The following CYYR1 variants were observed in gnomAD, a reference collection of about 807,000 sequenced individuals.
The protein encoded by CYYR1 is cysteine and tyrosine rich 1.
A neutral mutation model predicts 15.2 loss-of-function variants in CYYR1; 14 were observed. The ratio of observed to expected loss-of-function variants is 0.92; its 90% CI spans 0.61 to 1.44. The LOEUF (loss-of-function observed/expected upper bound fraction) is 1.44, where lower values mean the gene tolerates loss of function less well. Among genes scored for constraint, CYYR1 ranks in the 40% most tolerant of loss-of-function variants. CYYR1 has a pLI of 0.00. For synonymous variants in CYYR1, 80 were observed against 77.4 expected (o/e 1.03, Z -0.18); for missense variants, 228 against 209.5 (o/e 1.09, Z -0.54).
In CYYR1 at chr21:26,468,542, G is replaced by T; in HGVS notation, c.427C>A (p.Arg143Ser). ...YSPTPQGPAQ[R>S]SPPPPYPGNA... ...CCAGGATAAGGAGGGGGTGGAGAAC[G>T]CTGTGCTGGACCCTGTGGGGTGGGG... Residue 143 changes from arginine to serine, a missense_variant, in exon 4 of 4, where the codon CGT (arginine) becomes AGT (serine). Transcript: ENST00000652641. 1 of 1,611,632 alleles carries T rather than the reference G, an allele frequency of 6.2e-7. No individual in the cohort carries two copies. The highest frequency in any genetic ancestry group is 8.5e-7 in the Non-Finnish European group (1 of 1,177,900).
At chr21:26,547,455 G>A (rs1979051151) in intron 2 of CYYR1, among the ~76,000 whole-genome samples, 1 of 152,050 alleles carries the variant, frequency 6.6e-6, no homozygotes, top group Admixed American at 6.6e-5. Context: ...TTTGTCCCAG[G>A]CCATTGTATG....
intron 2 of CYYR1, among the ~76,000 whole-genome samples, chr21:26,544,631 T>C (rs1978820011): frequency 6.6e-6 from 1 of 152,218 alleles, no homozygotes; most frequent in Non-Finnish European, 1.5e-5. Flanking sequence ...TACATCCTGG[T>C]GACCCTGAAG....
At chr21:26,480,554 G>GT (rs1158826362) in intron 2 of CYYR1, 125 bp from the exon 3 acceptor site, 1 of 917,502 alleles carries the variant, frequency 1.1e-6, no homozygotes, top group Non-Finnish European at 1.5e-6. Context: ...ATGTGTGTGT[G>GT]TTTTTCTTTT....
intron 2 of CYYR1, among the ~76,000 whole-genome samples, chr21:26,541,378 T>C (rs371183044): frequency 3.0e-4 from 45 of 151,920 alleles, no homozygotes; most frequent in African/African-American, 1.1e-3. Context: ...AAAAGACAAA[T>C]TACATATATA....
chr21:26,535,104 G>T (rs1256619332), intron 2 of CYYR1, among the ~76,000 whole-genome samples: 1 of 151,972 alleles, frequency 6.6e-6, no homozygotes, highest in Non-Finnish European at 1.5e-5. Context: ...CTACTGTGGG[G>T]GTGTTTGGGG....
At chr21:26,513,087 A>G (rs1276848899) in intron 2 of CYYR1, among the ~76,000 whole-genome samples, 1 of 151,918 alleles carries the variant, frequency 6.6e-6, no homozygotes, top group Non-Finnish European at 1.5e-5. Flanking sequence ...ATGTCTTTTC[A>G]TTTATCTGTC....
At chr21:26,504,793 T>C (rs1792091361) in intron 2 of CYYR1, among the ~76,000 whole-genome samples, 1 of 152,174 alleles carries the variant, frequency 6.6e-6, no homozygotes, top group African/African-American at 2.4e-5. Flanking sequence ...CATCCTCACC[T>C]CCATCCGATT....
intron 2 of CYYR1, among the ~76,000 whole-genome samples, chr21:26,555,353 TA>T (rs947539627): frequency 6.6e-6 from 1 of 152,052 alleles, no homozygotes; most frequent in Non-Finnish European, 1.5e-5. Flanking sequence ...GATGTTTGTT[TA>T]AAAAAAATGT....
chr21:26,551,716 CA>C, intron 2 of CYYR1: 1 of 182,346 alleles, frequency 5.5e-6, no homozygotes, highest in Non-Finnish European at 1.2e-5. Flanking sequence ...TACGGATTAG[CA>C]AAAAAGTGGT....
intron 2 of CYYR1, among the ~76,000 whole-genome samples, chr21:26,537,060 C>T (rs543301934): frequency 2.0e-5 from 3 of 152,100 alleles, no homozygotes; most frequent in African/African-American, 4.8e-5. Flanking sequence ...ATCTGGTGTG[C>T]GGGTTCAGAG....
chr21:26,473,324 G>A (rs1044779306), intron 3 of CYYR1, among the ~76,000 whole-genome samples: 19 of 151,746 alleles, frequency 1.3e-4, no homozygotes, highest in Admixed American at 3.9e-4. Flanking sequence ...CTCCTGGCAA[G>A]ACCTCCATTA....
intron 2 of CYYR1, among the ~76,000 whole-genome samples, chr21:26,555,380 G>T (rs1489049599): frequency 6.6e-6 from 1 of 152,148 alleles, no homozygotes; most frequent in African/African-American, 2.4e-5. Context: ...CCACACAGTA[G>T]AGTTGGCTAT....
At chr21:26,508,515 T>C (rs1167687538) in intron 2 of CYYR1, among the ~76,000 whole-genome samples, 1 of 152,084 alleles carries the variant, frequency 6.6e-6, no homozygotes, top group Non-Finnish European at 1.5e-5. Flanking sequence ...ATTGTGGTAA[T>C]GGGGGCTTTC....
At chr21:26,517,205 G>T (rs2065743286) in intron 2 of CYYR1, among the ~76,000 whole-genome samples, 1 of 148,270 alleles carries the variant, frequency 6.7e-6, no homozygotes, top group Admixed American at 6.7e-5. Flanking sequence ...TAAAAATAAG[G>T]TACCTATCAA....
At chr21:26,477,974 A>G (rs911294455) in intron 3 of CYYR1, 46 of 1,449,614 alleles carry the variant, frequency 3.2e-5, no homozygotes, top group Non-Finnish European at 3.6e-5. Context: ...CTTAAAGTCA[A>G]TTCCCTAGGG....
chr21:26,515,753 T>C (rs908404114), intron 2 of CYYR1, among the ~76,000 whole-genome samples: 5 of 152,212 alleles, frequency 3.3e-5, no homozygotes, highest in African/African-American at 7.2e-5. Flanking sequence ...TTTGCACTTA[T>C]CCTTTTTCTC....
At chr21:26,488,525 T>C (rs1478684559) in intron 2 of CYYR1, among the ~76,000 whole-genome samples, 3 of 152,162 alleles carry the variant, frequency 2.0e-5, no homozygotes, top group Admixed American at 6.6e-5. Context: ...AGTGCTGGGA[T>C]TACAGGCATG....
intron 2 of CYYR1, among the ~76,000 whole-genome samples, chr21:26,489,939 C>A (rs2065304525): frequency 6.6e-6 from 1 of 151,986 alleles, no homozygotes; most frequent in Admixed American, 6.6e-5. Flanking sequence ...TTGATTTATC[C>A]CTCAGTCATT....
At chr21:26,484,895 A>T (rs1305830069) in intron 2 of CYYR1, among the ~76,000 whole-genome samples, 1 of 152,142 alleles carries the variant, frequency 6.6e-6, no homozygotes, top group Non-Finnish European at 1.5e-5. Context: ...TTTTTTGATT[A>T]AATCATGAAG....
Sources: gnomAD v4.1 joint callset for allele counts (sites outside exome capture counted in the v4.1 genomes callset) on GRCh38, gnomAD v4.1.1 for gene constraint, MANE v1.5 for transcripts, NCBI Gene and HGNC (gene_info 2026-07-23, HGNC 2026-07-21) for gene names.